Variants in PRRX1 observed in about 807,000 individuals in gnomAD.
The protein encoded by PRRX1 is paired related homeobox 1.
Under a neutral mutation model 24.0 loss-of-function variants are expected in PRRX1, and 8 were observed. The ratio of observed to expected loss-of-function variants is 0.33; its 90% CI spans 0.20 to 0.60. The LOEUF is 0.60. Ranked by LOEUF, PRRX1 falls within the 20% of genes least tolerant of loss-of-function variation. PRRX1 has a pLI of 0.82. For missense variants in PRRX1, 281 were observed against 322.4 expected, an observed-to-expected ratio of 0.87 and a Z score of 0.98; for synonymous variants, 160 against 131.7, an observed-to-expected ratio of 1.22 and a Z score of -1.47.
At chr1:170,718,912 C>T (rs1015732092) in intron 1 of PRRX1, among the ~76,000 whole-genome samples, 1 of 152,202 alleles carries the variant, frequency 6.6e-6, no homozygotes, top group Non-Finnish European at 1.5e-5. Context: ...TCAGAGAAAA[C>T]CAAGGAAGGA....
At chr1:170,702,787 T>C (rs1654433260) in intron 1 of PRRX1, among the ~76,000 whole-genome samples, 3 of 152,228 alleles carry the variant, frequency 2.0e-5, no homozygotes, top group African/African-American at 7.2e-5. Flanking sequence ...AGAGTGTTTT[T>C]AAAACTTGGA....
At chr1:170,731,341 G>A (rs1215734467) in intron 3 of PRRX1, among the ~76,000 whole-genome samples, 1 of 152,142 alleles carries the variant, frequency 6.6e-6, no homozygotes, top group Non-Finnish European at 1.5e-5. Context: ...GAAACCCAAG[G>A]ATTTCAGGAA....
upstream of PRRX1, chr1:170,663,241 G>A (rs932392497): frequency 1.3e-5 from 2 of 152,234 alleles, no homozygotes; most frequent in Admixed American, 6.5e-5. Context: ...GTCAGGCACA[G>A]CACAAAGGCT....
intron 1 of PRRX1, among the ~76,000 whole-genome samples, chr1:170,674,229 TGCGC>T (rs1254005990): frequency 6.6e-6 from 1 of 151,332 alleles, no homozygotes; most frequent in East Asian, 1.9e-4. Context: ...TGTGCGCGCT[TGCGC>T]ACGCACGCAC....
chr1:170,709,833 T>C (rs1049234652), intron 1 of PRRX1, among the ~76,000 whole-genome samples: 3 of 152,182 alleles, frequency 2.0e-5, no homozygotes, highest in East Asian at 1.9e-4. Flanking sequence ...CCTAAAATGG[T>C]TGATATAGGC....
chr1:170,731,063 A>T (rs1428362780), intron 3 of PRRX1, among the ~76,000 whole-genome samples: 1 of 152,202 alleles, frequency 6.6e-6, no homozygotes, highest in Non-Finnish European at 1.5e-5. Flanking sequence ...CGTATTAGAA[A>T]ATCAACTTCT....
chr1:170,676,333 T>C (rs369177386), intron 1 of PRRX1, among the ~76,000 whole-genome samples: 1 of 74,428 alleles, frequency 1.3e-5, no homozygotes, highest in Admixed American at 1.7e-4. Context: ...TCCCCTCTCT[T>C]TTTTTTTTCT....
chr1:170,713,918 T>C (rs1654824512), intron 1 of PRRX1, among the ~76,000 whole-genome samples: 1 of 152,192 alleles, frequency 6.6e-6, no homozygotes, highest in Non-Finnish European at 1.5e-5. Flanking sequence ...CAGTTGGGTA[T>C]TTGTATTGGC....
At chr1:170,667,355 A>G (rs1358329540) in intron 1 of PRRX1, 1 of 151,658 alleles carries the variant, frequency 6.6e-6, no homozygotes, top group African/African-American at 2.4e-5. Context: ...CTTGCTTCCT[A>G]GAGAGATGAG....
chr1:170,664,307 C>T lies in PRRX1; in HGVS notation c.89C>T (p.Ala30Val). The T allele has an allele frequency of 6.2e-7, 1 of 1,613,682 alleles. No individual in the cohort carries two copies. Residue 30 changes from alanine to valine, a missense_variant, in exon 1 of 4, where the codon GCG (alanine) becomes GTG (valine). By Grantham distance (64) the Ala-to-Val change is moderately conservative. Coordinates refer to ENST00000239461, the MANE Select transcript of PRRX1 (RefSeq NM_022716.4). ...CCGGGCAACCTCGACACCCTGCAGGCGAAAAAGAACTTCTCCGTCAGTCAC... is the reference window on the plus strand; with the variant it reads ...CCGGGCAACCTCGACACCCTGCAGGTGAAAAAGAACTTCTCCGTCAGTCAC... ...DSPGNLDTLQAKKNFSVSHLL... is the reference protein window; with the variant it reads ...DSPGNLDTLQVKKNFSVSHLL...
intron 2 of PRRX1, among the ~76,000 whole-genome samples, chr1:170,725,217 C>T (rs60940694): frequency 0.03 from 4,566 of 152,208 alleles, 226 homozygotes; most frequent in African/African-American, 0.1. Context: ...AGGATCAGGT[C>T]ATCTGCAAAC....
At chr1:170,671,540 C>T (rs1653146385) in intron 1 of PRRX1, among the ~76,000 whole-genome samples, 1 of 152,264 alleles carries the variant, frequency 6.6e-6, no homozygotes, top group Non-Finnish European at 1.5e-5. Flanking sequence ...GGGGCGCGCT[C>T]CTCCCAGGCT....
intron 1 of PRRX1, among the ~76,000 whole-genome samples, chr1:170,684,050 C>A (rs1339192465): frequency 6.6e-6 from 1 of 152,184 alleles, no homozygotes; most frequent in African/African-American, 2.4e-5. Context: ...TGACCTCTTG[C>A]CAATCATCCA....
chr1:170,729,411 C>T (rs890906934), intron 3 of PRRX1, among the ~76,000 whole-genome samples: 14 of 151,978 alleles, frequency 9.2e-5, no homozygotes, highest in Admixed American at 6.6e-4. Context: ...CCACAGTTAT[C>T]CCCTGAAAAA....
intron 1 of PRRX1, among the ~76,000 whole-genome samples, chr1:170,705,877 T>A (rs893610458): frequency 6.6e-6 from 1 of 151,726 alleles, no homozygotes; most frequent in Admixed American, 6.6e-5. Context: ...ACCAGTTCAA[T>A]TTTGGGTTCT....
intron 1 of PRRX1, among the ~76,000 whole-genome samples, chr1:170,704,210 AATAAC>A (rs1654487091): frequency 6.6e-6 from 1 of 152,232 alleles, no homozygotes; most frequent in African/African-American, 2.4e-5. Context: ...ATATAAATGA[AATAAC>A]ATAAGTAAGT....
intron 1 of PRRX1, among the ~76,000 whole-genome samples, chr1:170,715,130 C>CTGA (rs1392513224): frequency 6.6e-6 from 1 of 152,162 alleles, no homozygotes; most frequent in Admixed American, 6.5e-5. Flanking sequence ...ACTATCCTAT[C>CTGA]TGATAAAGAA....
chr1:170,692,046 T>G (rs1371258569), intron 1 of PRRX1, among the ~76,000 whole-genome samples: 2 of 152,110 alleles, frequency 1.3e-5, no homozygotes, highest in Admixed American at 1.3e-4. Flanking sequence ...AGGTCATATA[T>G]GGGTCTAGAA....
intron 1 of PRRX1, 54 bp from the exon 2 acceptor site, chr1:170,719,672 A>C: frequency 1.3e-6 from 2 of 1,580,532 alleles, no homozygotes; most frequent in Non-Finnish European, 1.7e-6. Context: ...AAAAGTCTTA[A>C]CTGGGACTCC....
Sources: gnomAD v4.1 joint callset for allele counts (sites outside exome capture counted in the v4.1 genomes callset) on GRCh38, gnomAD v4.1.1 for gene constraint, MANE v1.5 for transcripts, NCBI Gene and HGNC (gene_info 2026-07-23, HGNC 2026-07-21) for gene names.